Variants in NDUFAF2 observed in about 807,000 individuals in gnomAD.
NDUFAF2 encodes NADH dehydrogenase [ubiquinone] 1 alpha subcomplex assembly factor 2.
Under a neutral mutation model 22.8 loss-of-function variants are expected in NDUFAF2, and 13 were observed. The observed-to-expected ratio is 0.57, with a 90% CI of 0.37 to 0.91. The LOEUF (loss-of-function observed/expected upper bound fraction) is 0.91. NDUFAF2 is among the 40% of genes least tolerant of loss of function. The pLI is 0.01. For missense variants in NDUFAF2, 162 were observed against 195.2 expected (o/e 0.83, Z 1.01); for synonymous variants, 53 against 64.2 (o/e 0.83, Z 0.84).
chr5:61,003,645 C>CTTTTT (rs33941286), intron 1 of NDUFAF2, among the ~76,000 whole-genome samples: 1 of 121,766 alleles, frequency 8.2e-6, no homozygotes, highest in Non-Finnish European at 1.7e-5. Flanking sequence ...AAAATCTATA[C>CTTTTT]TTTTTTTTTT....
intron 1 of NDUFAF2, among the ~76,000 whole-genome samples, chr5:61,032,580 C>G (rs946378268): frequency 2.0e-5 from 3 of 152,112 alleles, no homozygotes; most frequent in Admixed American, 2.0e-4. Context: ...TTCCATTGGT[C>G]TATATATCTG....
chr5:61,112,929 G>T (rs1752863841), intron 3 of NDUFAF2, among the ~76,000 whole-genome samples: 1 of 147,900 alleles, frequency 6.8e-6, no homozygotes. Flanking sequence ...TTACATTTGA[G>T]GTTACCATGG....
intron 1 of NDUFAF2, among the ~76,000 whole-genome samples, chr5:61,028,302 C>G (rs922713462): frequency 6.6e-6 from 1 of 152,048 alleles, no homozygotes; most frequent in African/African-American, 2.4e-5. Flanking sequence ...GACTTATCCC[C>G]TTCTCTTATC....
At chr5:61,011,308 C>A (rs1462859347) in intron 1 of NDUFAF2, among the ~76,000 whole-genome samples, 3 of 152,036 alleles carry the variant, frequency 2.0e-5, no homozygotes, top group Admixed American at 2.0e-4. Context: ...TGTAGCCAGG[C>A]CATGGACATA....
At chr5:61,070,785 C>T (rs887160982) in intron 1 of NDUFAF2, among the ~76,000 whole-genome samples, 3 of 152,046 alleles carry the variant, frequency 2.0e-5, no homozygotes, top group Non-Finnish European at 2.9e-5. Context: ...CTACTGAGAA[C>T]GATAGACCTG....
chr5:61,034,103 A>G (rs1751764503), intron 1 of NDUFAF2, among the ~76,000 whole-genome samples: 1 of 152,162 alleles, frequency 6.6e-6, no homozygotes, highest in East Asian at 1.9e-4. Flanking sequence ...TAATTTAGAC[A>G]TTAGAAGAGG....
chr5:61,000,033 A>C (rs1751277037), intron 1 of NDUFAF2, among the ~76,000 whole-genome samples: 1 of 152,102 alleles, frequency 6.6e-6, no homozygotes, highest in African/African-American at 2.4e-5. Flanking sequence ...AAAATAAAAA[A>C]GTTTTAGAAG....
chr5:60,960,768 G>A (rs1323151528), intron 1 of NDUFAF2, among the ~76,000 whole-genome samples: 1 of 152,036 alleles, frequency 6.6e-6, no homozygotes, highest in Non-Finnish European at 1.5e-5. Context: ...CACTTAAAAG[G>A]CTGTTTTTTT....
intron 1 of NDUFAF2, among the ~76,000 whole-genome samples, chr5:61,060,239 A>G (rs191188965): frequency 1.3e-5 from 2 of 152,192 alleles, no homozygotes; most frequent in African/African-American, 2.4e-5. Flanking sequence ...GTCAAATTAC[A>G]CTTCAAGTCA....
intron 1 of NDUFAF2, among the ~76,000 whole-genome samples, chr5:61,015,512 C>G (rs891827186): frequency 2.0e-5 from 3 of 152,080 alleles, no homozygotes; most frequent in Non-Finnish European, 4.4e-5. Context: ...GAACTCCTGA[C>G]CTCAAGTGAT....
chr5:61,033,535 T>G (rs1183269600), intron 1 of NDUFAF2, among the ~76,000 whole-genome samples: 1 of 152,144 alleles, frequency 6.6e-6, no homozygotes, highest in Non-Finnish European at 1.5e-5. Flanking sequence ...ACATTTTCAT[T>G]TAATGGAAGC....
intron 1 of NDUFAF2, among the ~76,000 whole-genome samples, chr5:61,051,764 C>CA (rs1266959752): frequency 2.0e-5 from 3 of 151,932 alleles, no homozygotes; most frequent in African/African-American, 7.3e-5. Context: ...ATTGAAGACT[C>CA]AAAGATAGAG....
At chr5:61,060,269 G>A (rs1158606609) in intron 1 of NDUFAF2, among the ~76,000 whole-genome samples, 2 of 152,094 alleles carry the variant, frequency 1.3e-5, no homozygotes, top group East Asian at 3.9e-4. Context: ...ATGGCTTTCA[G>A]TATAAGAATT....
intron 1 of NDUFAF2, among the ~76,000 whole-genome samples, chr5:61,013,093 G>A (rs2112598753): frequency 6.6e-6 from 1 of 152,066 alleles, no homozygotes; most frequent in Non-Finnish European, 1.5e-5. Context: ...TCATATTGGG[G>A]TACTATTAAG....
At chr5:61,056,804 G>A (rs183170249) in intron 1 of NDUFAF2, among the ~76,000 whole-genome samples, 5 of 143,402 alleles carry the variant, frequency 3.5e-5, no homozygotes, top group Middle Eastern at 4.0e-3. Context: ...CATGAGAATC[G>A]CTTGAACCAA....
chr5:61,081,821 A>G (rs1294182654), intron 2 of NDUFAF2, among the ~76,000 whole-genome samples: 1 of 152,248 alleles, frequency 6.6e-6, no homozygotes, highest in Non-Finnish European at 1.5e-5. Context: ...CTGTTGTGAT[A>G]AAAATGTCTG....
chr5:61,142,052 T>C (rs138163757), intron 3 of NDUFAF2, among the ~76,000 whole-genome samples: 18 of 152,302 alleles, frequency 1.2e-4, no homozygotes, highest in African/African-American at 3.6e-4. Flanking sequence ...GACATTGCTT[T>C]TTCTCCCAGG....
chr5:61,152,592 TG>T, intron 3 of NDUFAF2, 111 bp from the exon 4 acceptor site: 1 of 709,076 alleles, frequency 1.4e-6, no homozygotes, highest in East Asian at 3.2e-5. Context: ...ATGCAAAGTA[TG>T]TATGTATATA....
chr5:61,074,773 A>G (rs757394690), intron 2 of NDUFAF2, among the ~76,000 whole-genome samples: 2 of 152,148 alleles, frequency 1.3e-5, no homozygotes, highest in African/African-American at 2.4e-5. Flanking sequence ...AAAAGAAAAG[A>G]AAAGAAAAGA....
Sources: gnomAD v4.1 joint callset for allele counts (sites outside exome capture counted in the v4.1 genomes callset) on GRCh38, gnomAD v4.1.1 for gene constraint, MANE v1.5 for transcripts, NCBI Gene and HGNC (gene_info 2026-07-23, HGNC 2026-07-21) for gene names.